The following UCHL3 variants were observed in gnomAD, a reference collection of about 807,000 sequenced individuals.
UCHL3 encodes ubiquitin C-terminal hydrolase L3, also known as ubiquitin carboxyl-terminal hydrolase isozyme L3.
Under a neutral mutation model 35.8 loss-of-function variants are expected in UCHL3, and 22 were observed. That is an observed-to-expected ratio of 0.61 (90% confidence interval 0.44 to 0.88). The LOEUF (loss-of-function observed/expected upper bound fraction) is 0.88. UCHL3 is among the 40% of genes least tolerant of loss of function. The pLI is 0.00. For missense variants in UCHL3, 229 were observed against 276.9 expected (o/e 0.83, Z 1.23); for synonymous variants, 90 against 92.8 (o/e 0.97, Z 0.17).
At chr13:75,550,766 G>C (rs1471859669) in intron 2 of UCHL3, among the ~76,000 whole-genome samples, 1 of 132,742 alleles carries the variant, frequency 7.5e-6, no homozygotes, top group Non-Finnish European at 1.6e-5. Flanking sequence ...CTTTTTTACT[G>C]CTCTCCTAGT....
chr13:75,599,988 A>G (rs1408090622), intron 7 of UCHL3, among the ~76,000 whole-genome samples: 1 of 152,264 alleles, frequency 6.6e-6, no homozygotes, highest in African/African-American at 2.4e-5. Context: ...GAACACATGA[A>G]TGACGAGAAA....
At chr13:75,571,112 A>G (rs1261538338) in intron 6 of UCHL3, among the ~76,000 whole-genome samples, 1 of 152,042 alleles carries the variant, frequency 6.6e-6, no homozygotes, top group Non-Finnish European at 1.5e-5. Flanking sequence ...CTATGCTTTG[A>G]TTTTTTGTTT....
At chr13:75,582,267 T>C (rs1030489186) in intron 6 of UCHL3, among the ~76,000 whole-genome samples, 2 of 152,228 alleles carry the variant, frequency 1.3e-5, no homozygotes, top group Admixed American at 1.3e-4. Context: ...CAATTACTTA[T>C]TAAATATCTT....
At chr13:75,550,720 G>GT (rs10581965) in intron 2 of UCHL3, among the ~76,000 whole-genome samples, 25,174 of 138,156 alleles carry the variant, frequency 0.18, 2,704 homozygotes, top group East Asian at 0.29. Flanking sequence ...ATTTTACCCT[G>GT]TTTTTTTTTT....
At chr13:75,566,291 A>G (rs1157223821) in intron 3 of UCHL3, among the ~76,000 whole-genome samples, 3 of 152,198 alleles carry the variant, frequency 2.0e-5, no homozygotes, top group Admixed American at 6.5e-5. Flanking sequence ...ATGTAAATCT[A>G]TTATGCTTTA....
In UCHL3 at chr13:75,556,768, TTAGAGAA is replaced by T. The variant is rs562265498; in HGVS notation, c.55-3982_55-3976del. Among the ~76,000 whole-genome samples, 237 of 152,232 alleles carry T rather than the reference TTAGAGAA, an allele frequency of 1.6e-3. 4 individuals carry two copies. Among genetic ancestry groups the T allele is most frequent in the Non-Finnish European group, 3.7e-4 (25 of 68,018 alleles). ...CTCTCAGGAGTTCATTGTGGCCAAG[TTAGAGAA>T]TAAAGTACCAAAAAGATACTCTGGG... On this transcript the variant is annotated intron_variant, in intron 2 of 8. Transcript: ENST00000377595.
chr13:75,552,053 G>A (rs1339998969), intron 2 of UCHL3, among the ~76,000 whole-genome samples: 1 of 152,162 alleles, frequency 6.6e-6, no homozygotes, highest in Admixed American at 6.5e-5. Context: ...AGACCTTTCT[G>A]AGATGATATA....
rs2031699521 is a variant in UCHL3, at chr13:75,566,821, A to G, written c.310A>G (p.Ile104Val). ...ACGTIGLIHA[I>V]ANNKDKMHFE... ...TGGAACAATTGGACTGATTCATGCT[A>G]TTGCAAACAATAAAGACAAGATGCA... The change falls in exon 4 of 9, where the codon ATT (isoleucine) becomes GTT (valine). Residue 104 changes from isoleucine to valine, a missense_variant. Ile to Val is a conservative substitution (Grantham distance 29). Transcript: ENST00000377595. 9 of 1,599,916 alleles carry G rather than the reference A, an allele frequency of 5.6e-6. No individual in the cohort carries two copies. Among genetic ancestry groups the G allele is most frequent in the Non-Finnish European group, 7.7e-6 (9 of 1,176,128 alleles).
chr13:75,585,852 C>T (rs931402155), intron 6 of UCHL3, among the ~76,000 whole-genome samples: 4 of 151,872 alleles, frequency 2.6e-5, no homozygotes, highest in Non-Finnish European at 5.9e-5. Flanking sequence ...TGTAAATCCT[C>T]AGGCAATTAC....
chr13:75,585,220 A>G (rs1048793196), intron 6 of UCHL3, among the ~76,000 whole-genome samples: 2 of 152,206 alleles, frequency 1.3e-5, no homozygotes, highest in Admixed American at 6.6e-5. Flanking sequence ...ACAAACACAC[A>G]TATATACCTA....
At chr13:75,603,332 G>A (rs1255462470) in intron 7 of UCHL3, among the ~76,000 whole-genome samples, 2 of 152,002 alleles carry the variant, frequency 1.3e-5, no homozygotes, top group African/African-American at 4.8e-5. Context: ...TGGAAACCAG[G>A]AAAATACATA....
intron 2 of UCHL3, among the ~76,000 whole-genome samples, chr13:75,560,443 T>C (rs2031454525): frequency 6.6e-6 from 1 of 152,232 alleles, no homozygotes; most frequent in African/African-American, 2.4e-5. Flanking sequence ...GTGCTATAAA[T>C]AAATTGCTAT....
chr13:75,571,939 G>T (rs1266761329), intron 6 of UCHL3, among the ~76,000 whole-genome samples: 1 of 150,396 alleles, frequency 6.6e-6, no homozygotes. Context: ...TCAGTTTCAG[G>T]CTCTTTAACC....
chr13:75,583,058 G>C (rs1204833405), intron 6 of UCHL3, among the ~76,000 whole-genome samples: 1 of 151,986 alleles, frequency 6.6e-6, no homozygotes, highest in Non-Finnish European at 1.5e-5. Flanking sequence ...AGCATGAGGA[G>C]GTAAAAATAA....
At chr13:75,591,952 C>T (rs1387050632) in intron 6 of UCHL3, among the ~76,000 whole-genome samples, 1 of 151,998 alleles carries the variant, frequency 6.6e-6, no homozygotes, top group Non-Finnish European at 1.5e-5. Flanking sequence ...CTTTGAACAT[C>T]CTGTTGGTGC....
intron 6 of UCHL3, among the ~76,000 whole-genome samples, chr13:75,584,019 T>C (rs2138539455): frequency 6.6e-6 from 1 of 152,266 alleles, no homozygotes; most frequent in East Asian, 1.9e-4. Flanking sequence ...GTTGCTGCTG[T>C]GGGAAAGGCG....
At chr13:75,590,052 A>C (rs1272334489) in intron 6 of UCHL3, 1 of 1,304,484 alleles carries the variant, frequency 7.7e-7, no homozygotes, top group African/African-American at 1.5e-5. Context: ...AGGCCCTGCA[A>C]AGGCTACCAG....
At position 75,605,905 on chromosome 13, in the gene UCHL3, C is replaced by T. The variant is rs896838375; in HGVS notation, c.*93C>T. Reference sequence around the variant, plus strand: ...TCAAAAATTTTGATATTTTCATTAACTTGATGATTAAACTTTATGTGAGTT... The same window carrying T: ...TCAAAAATTTTGATATTTTCATTAATTTGATGATTAAACTTTATGTGAGTT... On this transcript the variant is annotated 3_prime_UTR_variant, in exon 9 of 9. Coordinates refer to ENST00000377595, the MANE Select transcript of UCHL3 (RefSeq NM_006002.5). 35 of 1,258,380 alleles carry T rather than the reference C, an allele frequency of 2.8e-5. No homozygotes were observed. In the South Asian group the frequency reaches 3.0e-4, roughly 11 times the overall value. The allele number at this position is 1,258,380 out of a possible 1,614,324, so 78.0% of individuals were successfully genotyped here. A position where few individuals can be genotyped will look rare whatever the true frequency, so the allele number is the denominator to read the frequency against.
intron 3 of UCHL3, among the ~76,000 whole-genome samples, chr13:75,563,687 C>T (rs1289602813): frequency 6.6e-6 from 1 of 151,988 alleles, no homozygotes; most frequent in African/African-American, 2.4e-5. Context: ...TAACTTTAGT[C>T]TTCTACTTGT....
Sources: allele counts gnomAD v4.1 joint callset (sites outside exome capture counted in the v4.1 genomes callset), GRCh38; gene constraint gnomAD v4.1.1; transcripts MANE v1.5; gene names NCBI Gene and HGNC (gene_info 2026-07-23, HGNC 2026-07-21).